The following KLRG1 variants were observed in gnomAD, a reference collection of about 807,000 sequenced individuals.
KLRG1 encodes the protein killer cell lectin like receptor G1.
In KLRG1, 16 loss-of-function variants were observed where a neutral mutation model predicts 21.8. The ratio of observed to expected loss-of-function variants is 0.73; its 90% CI spans 0.50 to 1.11. KLRG1 has a LOEUF of 1.11. Ranked by LOEUF, KLRG1 falls within the 50% of genes most tolerant of loss-of-function variation. The pLI is 0.00. For missense variants in KLRG1, 173 were observed against 218.3 expected (o/e 0.79, Z 1.31); for synonymous variants, 69 against 75.9 (o/e 0.91, Z 0.47).
At chr12:9,154,768 G>T in the KLRG1 span, 1 of 1,614,146 alleles carries the variant, frequency 6.2e-7, no homozygotes. Context: ...TCAGCAGAGG[G>T]AGCCTGGGTT....
chr12:9,162,739 A>G, the KLRG1 span: 1 of 1,038,386 alleles, frequency 9.6e-7, no homozygotes, highest in Non-Finnish European at 1.4e-6. Context: ...GGTAGGGTTT[A>G]CACGAATGAT....
downstream of KLRG1, among the ~76,000 whole-genome samples, chr12:9,015,346 G>A (rs758354797): frequency 6.6e-6 from 1 of 152,072 alleles, no homozygotes; most frequent in Admixed American, 6.6e-5. Flanking sequence ...ACCAAAAAGA[G>A]CAGGACTGGC....
At chr12:9,101,370 T>A in the KLRG1 span, 1 of 1,377,040 alleles carries the variant, frequency 7.3e-7, no homozygotes, top group Non-Finnish European at 1.0e-6. Context: ...TAATGACATC[T>A]AAAGAGCTTC....
the KLRG1 span, among the ~76,000 whole-genome samples, chr12:9,028,350 A>G: frequency 6.6e-6 from 1 of 150,504 alleles, no homozygotes; most frequent in Non-Finnish European, 1.5e-5. Flanking sequence ...AGGTTTCACC[A>G]TGTTGGCCAG....
At chr12:9,057,898 A>T in the KLRG1 span, 1 of 152,240 alleles carries the variant, frequency 6.6e-6, no homozygotes, top group Non-Finnish European at 1.5e-5. Context: ...TGTGGATTTT[A>T]GAGTAGGAAC....
intron 1 of KLRG1, among the ~76,000 whole-genome samples, chr12:8,955,374 G>A (rs1276713846): frequency 9.9e-6 from 1 of 101,382 alleles, no homozygotes; most frequent in Non-Finnish European, 1.9e-5. Flanking sequence ...CTATTGCTCT[G>A]ATTTTTTTTT....
chr12:9,146,093 A>G, the KLRG1 span, among the ~76,000 whole-genome samples: 1 of 152,098 alleles, frequency 6.6e-6, no homozygotes, highest in Non-Finnish European at 1.5e-5. Flanking sequence ...TTTAGTCATT[A>G]TTTCTATGAA....
intron 1 of KLRG1, among the ~76,000 whole-genome samples, chr12:8,976,997 CG>C (rs1384411444): frequency 6.6e-6 from 1 of 152,108 alleles, no homozygotes; most frequent in African/African-American, 2.4e-5. Flanking sequence ...ATGATCTACC[CG>C]CCTGGGCCTC....
chr12:9,091,105 A>G, the KLRG1 span: 12 of 1,378,830 alleles, frequency 8.7e-6, no homozygotes, highest in Middle Eastern at 1.8e-4. Context: ...TCTAGTAAGC[A>G]TATTTTGCAT....
Position 8,970,860 on chromosome 12 carries a change from C to T in KLRG1, c.-156+20624C>T, listed in dbSNP as rs904179730. Among the ~76,000 whole-genome samples, 71 of 152,044 alleles carry T rather than the reference C, an allele frequency of 4.7e-4. 1 individual carries two copies. The highest frequency in any genetic ancestry group is 4.4e-5 in the Non-Finnish European group (3 of 68,008). The stretch of plus-strand genomic sequence containing the variant: ...TCATGCTTCTTTCTGCTTCAGTTCA[C>T]GTGATCTATATCTTTTTTCTTTTTC... On this transcript the variant is annotated intron_variant, in intron 1 of 4. Transcript: ENST00000539240.
chr12:9,186,024 T>C, the KLRG1 span, among the ~76,000 whole-genome samples: 2 of 151,990 alleles, frequency 1.3e-5, no homozygotes, highest in Non-Finnish European at 2.9e-5. Flanking sequence ...GCCAGGATGG[T>C]CTCGATCTCC....
In KLRG1 at chr12:8,989,700, A is replaced by G; in HGVS notation, c.65A>G (p.Tyr22Cys). 1 of 1,608,470 alleles carries G rather than the reference A, an allele frequency of 6.2e-7. No individual in the cohort carries two copies. Among genetic ancestry groups the G allele is most frequent in the Non-Finnish European group, 8.5e-7 (1 of 1,175,876 alleles). The part of the protein sequence containing the change: ...LPTATQAQND[Y>C]GPQQKSSSSR... The stretch of plus-strand genomic sequence containing the variant: ...ACGGCAACCCAAGCCCAGAATGACT[A>G]TGGACCACAGCAAAAATGTGAGTTA... Residue 22 changes from tyrosine to cysteine, a missense_variant, in exon 1 of 5, where the codon TAT (tyrosine) becomes TGT (cysteine). This residue lies in a region of KLRG1 where 144 missense variants were observed against 161.5 expected (regional missense o/e 0.89). Transcript: ENST00000356986.
At chr12:9,205,702 A>G in the KLRG1 span, among the ~76,000 whole-genome samples, 25,403 of 152,156 alleles carry the variant, frequency 0.17, 2,293 homozygotes, top group East Asian at 0.27. Flanking sequence ...TTATTTTCTT[A>G]TATTATTTTA....
chr12:9,112,394 T>C, the KLRG1 span: 9 of 1,613,740 alleles, frequency 5.6e-6, no homozygotes, highest in African/African-American at 1.3e-5. Flanking sequence ...CCCTGGTTTG[T>C]AGATTGATTT....
At chr12:9,061,912 C>A in the KLRG1 span, among the ~76,000 whole-genome samples, 1 of 152,040 alleles carries the variant, frequency 6.6e-6, no homozygotes, top group Non-Finnish European at 1.5e-5. Flanking sequence ...ACACGGAAAC[C>A]AACCCCCCAA....
At chr12:9,007,761 G>C (rs1291048466) in intron 3 of KLRG1, among the ~76,000 whole-genome samples, 1 of 152,088 alleles carries the variant, frequency 6.6e-6, no homozygotes, top group Non-Finnish European at 1.5e-5. Flanking sequence ...AAATTGTATT[G>C]CTTTCTTAGT....
chr12:9,198,393 T>C, the KLRG1 span, among the ~76,000 whole-genome samples: 11 of 152,170 alleles, frequency 7.2e-5, no homozygotes, highest in African/African-American at 2.4e-4. Context: ...CTATCATTCT[T>C]CTTTATTTTG....
At chr12:9,132,679 GA>G in the KLRG1 span, among the ~76,000 whole-genome samples, 59,920 of 151,856 alleles carry the variant, frequency 0.39, 12,255 homozygotes, top group African/African-American at 0.45. Flanking sequence ...GGAAGAGTGA[GA>G]AAAAATATGG....
At chr12:9,064,692 G>C in the KLRG1 span, 1 of 154,318 alleles carries the variant, frequency 6.5e-6, no homozygotes, top group Admixed American at 6.5e-5. The surrounding 1 kb of genome is among the most constrained non-coding windows in gnomAD (Gnocchi z 4.0). Context: ...AGTCGGGCAC[G>C]GAGGGGCAGG....
Sources: gnomAD v4.1 joint callset for allele counts (sites outside exome capture counted in the v4.1 genomes callset) on GRCh38, gnomAD v4.1.1 for gene constraint, gnomAD v4.1.1 regional missense constraint, Gnocchi (gnomAD v3.1) non-coding constraint, MANE v1.5 for transcripts, NCBI Gene and HGNC (gene_info 2026-07-23, HGNC 2026-07-21) for gene names.